Variants in FLT3 observed in about 807,000 individuals in gnomAD.
FLT3 encodes receptor-type tyrosine-protein kinase FLT3.
FLT3 carries 46 observed loss-of-function variants against 126.6 expected under a neutral mutation model. That is an observed-to-expected ratio of 0.36 (90% CI 0.29 to 0.46). The LOEUF (loss-of-function observed/expected upper bound fraction) is 0.46. FLT3 is among the 20% of genes least tolerant of loss of function. The probability of loss-of-function intolerance (pLI) is 1.00; values close to 1 mark genes in which losing one functional copy is unlikely to be tolerated. For missense variants in FLT3, 1,069 were observed against 1,190.3 expected (o/e 0.90, Z 1.50); for synonymous variants, 404 against 434.4 (o/e 0.93, Z 0.87).
intron 1 of FLT3, among the ~76,000 whole-genome samples, chr13:28,096,425 T>C (rs886557570): frequency 2.7e-5 from 4 of 150,938 alleles, no homozygotes; most frequent in East Asian, 1.9e-4. Flanking sequence ...TAAAGCTTCC[T>C]TCATTGACGC....
At position 28,003,956 on chromosome 13, in the gene FLT3, G is replaced by A; in HGVS notation, c.*96C>T. On this transcript the variant is annotated 3_prime_UTR_variant, in exon 24 of 24. Transcript: ENST00000241453. Reference sequence around the variant, plus strand: ...TCTGGTGAAGCAGCAGTTGATAATAGATTTTCTTTTAGTGATGAAATTAAT... The same window carrying A: ...TCTGGTGAAGCAGCAGTTGATAATAAATTTTCTTTTAGTGATGAAATTAAT... 7.0e-6 allele frequency: 10 copies of A among 1,424,538 alleles called. No individual in the cohort carries two copies. The Admixed American group carries it at 1.8e-4, about 25-fold the overall frequency. 88.2% of individuals were successfully genotyped at this position (1,424,538 alleles called of 1,614,324 possible).
chr13:28,047,571 G>A (rs1349199032), intron 9 of FLT3, among the ~76,000 whole-genome samples: 4 of 151,976 alleles, frequency 2.6e-5, no homozygotes, highest in Admixed American at 2.0e-4. Context: ...AATTAGTCAG[G>A]TGTGGTGGTG....
intron 1 of FLT3, among the ~76,000 whole-genome samples, chr13:28,098,913 A>C (rs1333236029): frequency 6.6e-6 from 1 of 152,224 alleles, no homozygotes; most frequent in Non-Finnish European, 1.5e-5. Flanking sequence ...AGGCAAAAGC[A>C]ATCCATGGCA....
intron 1 of FLT3, among the ~76,000 whole-genome samples, chr13:28,078,862 C>T (rs35263155): frequency 0.1 from 15,175 of 152,014 alleles, 1,010 homozygotes; most frequent in Non-Finnish European, 0.15. Flanking sequence ...TAAAGGTGCA[C>T]GCCATCATGC....
intron 3 of FLT3, among the ~76,000 whole-genome samples, chr13:28,060,421 CA>C (rs11326702): frequency 0.74 from 70,356 of 95,172 alleles, 23,567 homozygotes; most frequent in Middle Eastern, 0.79. Context: ...AACTCTGCCT[CA>C]AAAAAAAAAA....
At chr13:28,015,723 T>A in intron 20 of FLT3, 22 bp from the exon 21 acceptor site, 1 of 1,453,334 alleles carries the variant, frequency 6.9e-7, no homozygotes, top group East Asian at 2.3e-5. Flanking sequence ...CCAGAGGAGA[T>A]AAGATGGTGA....
chr13:28,094,657 G>A (rs1879341335), intron 1 of FLT3, among the ~76,000 whole-genome samples: 1 of 151,932 alleles, frequency 6.6e-6, no homozygotes, highest in African/African-American at 2.4e-5. Flanking sequence ...GTGCCTCTAC[G>A]CTCAGTTAAT....
At chr13:28,005,552 A>G (rs967329469) in intron 23 of FLT3, among the ~76,000 whole-genome samples, 5 of 152,124 alleles carry the variant, frequency 3.3e-5, no homozygotes, top group African/African-American at 1.2e-4. Flanking sequence ...ACGGCAGCCT[A>G]GAGTTCCATA....
chr13:28,035,275 TC>T (rs2137680549), intron 12 of FLT3, among the ~76,000 whole-genome samples: 1 of 152,304 alleles, frequency 6.6e-6, no homozygotes, highest in African/African-American at 2.4e-5. Flanking sequence ...TTTCTGCTTC[TC>T]CCGGTCACTG....
intron 4 of FLT3, among the ~76,000 whole-genome samples, chr13:28,056,350 C>T (rs1457024030): frequency 2.6e-5 from 4 of 152,226 alleles, no homozygotes; most frequent in African/African-American, 4.8e-5. Flanking sequence ...CTCTGTGGGC[C>T]GGACATTTAG....
chr13:28,067,804 C>T (rs1000118684), intron 2 of FLT3: 4 of 213,608 alleles, frequency 1.9e-5, no homozygotes, highest in South Asian at 7.1e-5. Context: ...CATTCTTTCC[C>T]AAATCCTTGT....
At position 28,099,471 on chromosome 13, in the gene FLT3, T is replaced by C. The variant is rs1410407523; in HGVS notation, c.43+997A>G. Among the ~76,000 whole-genome samples the C allele has an allele frequency of 2.0e-5, 3 of 152,246 alleles. No individual in the cohort carries two copies. The South Asian group carries it at 6.2e-4, about 31-fold the overall frequency. ...TGGATATAATTCCTGCACTTCTATATTGCAAGCATTTTCTCTATTTACCAC... is the reference window on the plus strand; with the variant it reads ...TGGATATAATTCCTGCACTTCTATACTGCAAGCATTTTCTCTATTTACCAC... On this transcript the variant is annotated intron_variant, in intron 1 of 23. Transcript: ENST00000241453.
At position 28,018,524 on chromosome 13, in the gene FLT3, A is replaced by C; in HGVS notation, c.2484T>G (p.Cys828Trp). 4 of 1,614,172 alleles carry C rather than the reference A, an allele frequency of 2.5e-6. No homozygotes were observed. The highest frequency in any genetic ancestry group is 3.4e-6 in the Non-Finnish European group (4 of 1,179,998). The change falls in exon 20 of 24, where the codon TGT becomes TGG. Residue 828 changes from cysteine to tryptophan, a missense_variant. Transcript: ENST00000241453. Reference sequence around the variant, plus strand: ...TGATATCTCGAGCCAATCCAAAGTCACATATCTTCACCACTTTCCCGTGGG... The same window carrying C: ...TGATATCTCGAGCCAATCCAAAGTCCCATATCTTCACCACTTTCCCGTGGG... ...LVTHGKVVKI[C>W]DFGLARDIMS...
chr13:28,085,119 G>A (rs1434374610), intron 1 of FLT3, among the ~76,000 whole-genome samples: 4 of 151,886 alleles, frequency 2.6e-5, no homozygotes, highest in East Asian at 3.9e-4. Context: ...CGACACGAGC[G>A]GATCACCTGA....
chr13:28,068,220 A>C (rs1295948280), intron 2 of FLT3: 1 of 152,542 alleles, frequency 6.6e-6, no homozygotes, highest in Non-Finnish European at 1.5e-5. Context: ...TATGCTCTCT[A>C]ATCACTGACA....
chr13:28,064,735 G>C (rs1876867462), intron 2 of FLT3, among the ~76,000 whole-genome samples: 1 of 152,076 alleles, frequency 6.6e-6, no homozygotes, highest in African/African-American at 2.4e-5. Flanking sequence ...TGAGGCCATG[G>C]GGAAACAGTT....
intron 1 of FLT3, among the ~76,000 whole-genome samples, chr13:28,098,149 T>C (rs898856155): frequency 1.3e-5 from 2 of 151,872 alleles, no homozygotes; most frequent in Non-Finnish European, 2.9e-5. Flanking sequence ...ACCTCGTCTC[T>C]ACTAAAAATA....
intron 1 of FLT3, among the ~76,000 whole-genome samples, chr13:28,079,967 G>C (rs1170310278): frequency 6.6e-6 from 1 of 152,162 alleles, no homozygotes. Flanking sequence ...TCACAATCAT[G>C]TCTTGTAGGA....
intron 9 of FLT3, among the ~76,000 whole-genome samples, chr13:28,043,926 A>G (rs954197705): frequency 2.6e-5 from 4 of 152,170 alleles, no homozygotes; most frequent in Middle Eastern, 3.4e-3. Flanking sequence ...CCTGGCCAAC[A>G]TGGTGAAACC....
Sources: gnomAD v4.1 joint callset for allele counts (sites outside exome capture counted in the v4.1 genomes callset) on GRCh38, gnomAD v4.1.1 for gene constraint, MANE v1.5 for transcripts, NCBI Gene and HGNC (gene_info 2026-07-23, HGNC 2026-07-21) for gene names.